Variants in USP21 observed in about 807,000 individuals in gnomAD.
USP21 encodes ubiquitin specific peptidase 21.
In USP21, 37 loss-of-function variants were observed where a neutral mutation model predicts 70.8. The observed-to-expected ratio is 0.52, with a 90% CI of 0.40 to 0.69. USP21 has a LOEUF of 0.69. Among genes scored for constraint, USP21 ranks in the 30% least tolerant of loss-of-function variants. The pLI, the probability that USP21 is intolerant of heterozygous loss-of-function variation, is 0.00. For missense variants in USP21, 584 were observed against 740.8 expected (o/e 0.79, Z 2.46); for synonymous variants, 263 against 283.1 (o/e 0.93, Z 0.71).
chr1:161,163,073 A>G lies in USP21; in HGVS notation c.1048A>G (p.Ser350Gly). The change falls in exon 7 of 14, where the codon AGT becomes GGT. Residue 350 changes from serine to glycine, a missense_variant and splice_region_variant. Ser to Gly is a moderately conservative substitution (Grantham distance 56, BLOSUM62 0). Coordinates refer to ENST00000368002, the MANE Select transcript of USP21 (RefSeq NM_001014443.3). ...GGALLEEPEL[S>G]DDDRANLMWK... Reference sequence around the variant, plus strand: ...GGCTCTGCTAGAAGAACCTGAGTTAAGGTAAGGGTCGTTCCCTCTACCTCC... The same window carrying G: ...GGCTCTGCTAGAAGAACCTGAGTTAGGGTAAGGGTCGTTCCCTCTACCTCC... The G allele has an allele frequency of 6.3e-7, 1 of 1,595,910 alleles. No homozygotes were observed. The highest frequency in any genetic ancestry group is 8.5e-7 in the Non-Finnish European group (1 of 1,172,390).
chr1:161,161,727 G>A lies in USP21; in HGVS notation c.601-311G>A, dbSNP rs937935510. ...TTGGGGGCAGAAAGGTGGGAGTGGT[G>A]AGCAGCTGGGCAACCATGCCGGTGC... On this transcript the variant is annotated intron_variant, in intron 3 of 13. Transcript: ENST00000368002. The surrounding 1 kb of genome is among the most constrained non-coding windows in gnomAD (Gnocchi z 4.2). 8.2e-6 allele frequency: 4 copies of A among 485,324 alleles called. No homozygotes were observed. The highest frequency in any genetic ancestry group is 2.6e-5 in the South Asian group (1 of 37,954). 30.1% of individuals were successfully genotyped at this position (485,324 alleles called of 1,614,324 possible).
chr1:161,164,309 G>A lies in USP21; in HGVS notation c.1305+59G>A, dbSNP rs1658273469. The stretch of plus-strand genomic sequence containing the variant: ...TGGGAGACCTGGGGGGACTCCATGT[G>A]GATAAAAGGGATTGCATGATGTCTT... On this transcript the variant is annotated intron_variant, in intron 10 of 13. Transcript: ENST00000368002. This position sits in a 1 kb window ranked among gnomAD's most constrained non-coding sequence, Gnocchi z 4.2. 1.3e-6 allele frequency: 2 copies of A among 1,502,348 alleles called. No homozygotes were observed. Among genetic ancestry groups the A allele is most frequent in the South Asian group, 2.3e-5 (2 of 88,474 alleles). The allele number at this position is 1,502,348 out of a possible 1,614,324, so 93.1% of individuals were successfully genotyped here. A position where few individuals can be genotyped will look rare whatever the true frequency, so the allele number is the denominator to read the frequency against.
At position 161,161,122 on chromosome 1, in the gene USP21, G is replaced by T. The variant is rs1352734116; in HGVS notation, c.482G>T (p.Gly161Val). The T allele has an allele frequency of 1.9e-6, 3 of 1,614,178 alleles. No homozygotes were observed. The highest frequency in any genetic ancestry group is 8.5e-7 in the Non-Finnish European group (1 of 1,180,006). Reference sequence around the variant, plus strand: ...CGTAGCACTTCTCTCCGCCGCCTAGGGGGCTTTCCTGGACCCCCTACCCTG... The same window carrying T: ...CGTAGCACTTCTCTCCGCCGCCTAGTGGGCTTTCCTGGACCCCCTACCCTG... ...LRRSTSLRRL[G>V]GFPGPPTLFS... The change falls in exon 3 of 14, where the codon GGG (glycine) becomes GTG (valine). Residue 161 changes from glycine (G) to valine (V), a missense_variant. Gly to Val is a moderately radical substitution (Grantham distance 109). Coordinates refer to ENST00000368002, the MANE Select transcript of USP21 (RefSeq NM_001014443.3). The surrounding 1 kb of genome is among the most constrained non-coding windows in gnomAD (Gnocchi z 4.2).
chr1:161,161,197 T>G lies in USP21; in HGVS notation c.557T>G (p.Ile186Arg). The change falls in exon 3 of 14, where the codon ATA (isoleucine) becomes AGA (arginine). Residue 186 changes from isoleucine to arginine, a missense_variant. Coordinates refer to ENST00000368002, the MANE Select transcript of USP21 (RefSeq NM_001014443.3). The surrounding 1 kb of genome is among the most constrained non-coding windows in gnomAD (Gnocchi z 4.2). The part of the protein sequence containing the change: ...PPASHGSFHM[I>R]SARSSEPFYS... ...GCTTCCCATGGCTCCTTCCACATGA[T>G]ATCCGCCCGGTCCTCTGAGCCTTTC... The G allele has an allele frequency of 6.2e-7, 1 of 1,612,342 alleles. No individual in the cohort carries two copies.
rs772175471 is a variant in USP21 at position 161,163,022 on chromosome 1, G to T, written c.997G>T (p.Val333Phe). The T allele has an allele frequency of 6.2e-7, 1 of 1,613,842 alleles. No individual in the cohort carries two copies. Among genetic ancestry groups the T allele is most frequent in the South Asian group, 1.1e-5 (1 of 91,064 alleles). ...RAPPILANGP[V>F]PSPPRRGGAL... ...TCCACCGATACTTGCCAATGGTCCA[G>T]TTCCCTCTCCACCCCGCCGAGGAGG... Residue 333 changes from valine to phenylalanine, a missense_variant, in exon 7 of 14, where the codon GTT becomes TTT. Val to Phe is a conservative substitution (Grantham distance 50). This residue lies in a region of USP21 where 40 missense variants were observed against 29.3 expected (regional missense o/e 1.37). Transcript: ENST00000368002.
rs767635139 is a variant in USP21 at position 161,162,976 on chromosome 1, C to T, written c.951C>T (p.Ile317=). 6.8e-6 allele frequency: 11 copies of T among 1,613,786 alleles called. No individual in the cohort carries two copies. The part of the protein sequence containing the change: ...KLLMERLHLE[I]NRRGRRAPPI... The stretch of plus-strand genomic sequence containing the variant: ...TCATGGAGCGGCTACACCTTGAAAT[C>T]AACCGCCGAGGCCGCCGGGCTCCAC... The change falls in exon 7 of 14, where the codon ATC becomes ATT. Residue 317 remains isoleucine, a synonymous_variant. Coordinates refer to ENST00000368002, the MANE Select transcript of USP21 (RefSeq NM_001014443.3). This position sits in a 1 kb window ranked among gnomAD's most constrained non-coding sequence, Gnocchi z 4.1.
chr1:161,165,095 C>T lies in USP21; in HGVS notation c.1559C>T (p.Thr520Ile), dbSNP rs745529060. Residue 520 changes from threonine to isoleucine, a missense_variant, in exon 13 of 14, where the codon ACA becomes ATA. This residue lies in a region of USP21 where 173 missense variants were observed against 268.2 expected (regional missense o/e 0.65). Coordinates refer to ENST00000368002, the MANE Select transcript of USP21 (RefSeq NM_001014443.3). The part of the protein sequence containing the change: ...HSGSVHYGHY[T>I]ALCRCQTGWH... ...GGCAGCGTCCACTATGGCCACTACACAGCCCTGTGCCGGTGCCAGACTGGT... is the reference window on the plus strand; with the variant it reads ...GGCAGCGTCCACTATGGCCACTACATAGCCCTGTGCCGGTGCCAGACTGGT... The T allele has an allele frequency of 6.2e-7, 1 of 1,614,096 alleles. No individual in the cohort carries two copies. The highest frequency in any genetic ancestry group is 8.5e-7 in the Non-Finnish European group (1 of 1,180,024).
rs1658620499 is a variant in USP21, at chr1:161,165,495, C to T, written c.*48C>T. On this transcript the variant is annotated 3_prime_UTR_variant, in exon 14 of 14. Transcript: ENST00000368002. ...TGAAGCCCTTTAAACACCCTTAAGC[C>T]CCAGGCTCCCCGTTTACCTCAGAGA... 7.0e-7 allele frequency: 1 copy of T among 1,420,298 alleles called. No individual in the cohort carries two copies. The allele number at this position is 1,420,298 out of a possible 1,614,324, so 88.0% of individuals were successfully genotyped here.
chr1:161,161,389 AC>A lies in USP21; in HGVS notation c.600+152del. 9.6e-7 allele frequency: 1 copy of A among 1,042,446 alleles called. No homozygotes were observed. The highest frequency in any genetic ancestry group is 1.6e-5 in the African/African-American group (1 of 62,446). 64.6% of individuals were successfully genotyped at this position (1,042,446 alleles called of 1,614,324 possible). A position where few individuals can be genotyped will look rare whatever the true frequency, so the allele number is the denominator to read the frequency against. ...GGACATGCCTCTCCCTTGCTTAAAT[AC>A]CCTTGAGCCTCCTAGACCCTTTTTT... is the stretch of plus-strand genomic sequence containing the variant. On this transcript the variant is annotated intron_variant, in intron 3 of 13. Coordinates refer to ENST00000368002, the MANE Select transcript of USP21 (RefSeq NM_001014443.3). This position sits in a 1 kb window ranked among gnomAD's most constrained non-coding sequence, Gnocchi z 4.2.
rs750682009 is a variant in USP21, at chr1:161,162,366, G to T, written c.757G>T (p.Gly253Cys). The change falls in exon 5 of 14, where the codon GGC (glycine) becomes TGC (cysteine). Residue 253 changes from glycine (G) to cysteine (C), a missense_variant. Gly to Cys is a radical substitution (Grantham distance 159, BLOSUM62 -3). Around this residue, in one of 4 missense-constraint regions of USP21, gnomAD observed 87 missense variants for 162.4 expected, o/e 0.54. Transcript: ENST00000368002. The surrounding 1 kb of genome is among the most constrained non-coding windows in gnomAD (Gnocchi z 4.1). ...CTTCCGGCAAGAGGTGCCTGGAGGA[G>T]GCCGAGCCCAAGAGCTCACTGAAGG... ...RDFRQEVPGG[G>C]RAQELTEAFA... 6.2e-7 allele frequency: 1 copy of T among 1,612,602 alleles called. No homozygotes were observed. The highest frequency in any genetic ancestry group is 8.5e-7 in the Non-Finnish European group (1 of 1,179,256).
At position 161,162,303 on chromosome 1, in the gene USP21, A is replaced by G. The variant is rs1168804171; in HGVS notation, c.694A>G (p.Ser232Gly). The part of the protein sequence containing the change: ...FLNAVLQCLS[S>G]TRPLRDFCLR... ...GAATGCTGTGCTGCAGTGTCTGAGC[A>G]GCACTCGACCTCTTCGGGACTTCTG... is the stretch of plus-strand genomic sequence containing the variant. The change falls in exon 5 of 14, where the codon AGC (serine) becomes GGC (glycine). Residue 232 changes from serine (S) to glycine (G), a missense_variant. By Grantham distance (56) the Ser-to-Gly change is moderately conservative (BLOSUM62 0). This residue lies in a region of USP21 where 87 missense variants were observed against 162.4 expected (regional missense o/e 0.54). Transcript: ENST00000368002. This position sits in a 1 kb window ranked among gnomAD's most constrained non-coding sequence, Gnocchi z 4.1. 1 of 1,613,108 alleles carries G rather than the reference A, an allele frequency of 6.2e-7. No individual in the cohort carries two copies. The highest frequency in any genetic ancestry group is 8.5e-7 in the Non-Finnish European group (1 of 1,179,506).
At position 161,164,926 on chromosome 1, in the gene USP21, T is replaced by G; in HGVS notation, c.1476T>G (p.Phe492Leu). Reference sequence around the variant, plus strand: ...TGCAGCGACTGAGCCTAGGGGACTTTGCCAGTGACAAAGCCGGTGAGTCTG... The same window carrying G: ...TGCAGCGACTGAGCCTAGGGGACTTGGCCAGTGACAAAGCCGGTGAGTCTG... ...FPLQRLSLGD[F>L]ASDKAGSPVY... Residue 492 changes from phenylalanine (F) to leucine (L), a missense_variant, in exon 12 of 14, where the codon TTT becomes TTG. This residue lies in a region of USP21 where 173 missense variants were observed against 268.2 expected (regional missense o/e 0.65). Transcript: ENST00000368002. This position sits in a 1 kb window ranked among gnomAD's most constrained non-coding sequence, Gnocchi z 4.2. The G allele has an allele frequency of 6.2e-7, 1 of 1,613,980 alleles. No homozygotes were observed. Among genetic ancestry groups the G allele is most frequent in the Non-Finnish European group, 8.5e-7 (1 of 1,179,882 alleles).
Position 161,160,701 on chromosome 1 carries a change from C to A in USP21, c.61C>A (p.Pro21Thr). The change falls in exon 3 of 14, where the codon CCC becomes ACC. Residue 21 changes from proline to threonine, a missense_variant. This residue lies in a region of USP21 where 284 missense variants were observed against 281.0 expected (regional missense o/e 1.01). Coordinates refer to ENST00000368002, the MANE Select transcript of USP21 (RefSeq NM_001014443.3). ...CCGAGAGCCACCTGTTAATATCCAGCCCCGAGTGGGATCCAAGCTACCATT... is the reference window on the plus strand; with the variant it reads ...CCGAGAGCCACCTGTTAATATCCAGACCCGAGTGGGATCCAAGCTACCATT... ...RTREPPVNIQ[P>T]RVGSKLPFAP... 1 of 1,614,186 alleles carries A rather than the reference C, an allele frequency of 6.2e-7. No homozygotes were observed.
At position 161,161,315 on chromosome 1, in the gene USP21, TC is replaced by T; in HGVS notation, c.600+80del. The stretch of plus-strand genomic sequence containing the variant: ...TTCCTGCCATCCTCTGCCTTTTCTG[TC>T]CCCCATTTCCCTGAAGTTCCTTTCT... On this transcript the variant is annotated intron_variant, in intron 3 of 13. Coordinates refer to ENST00000368002, the MANE Select transcript of USP21 (RefSeq NM_001014443.3). This position sits in a 1 kb window ranked among gnomAD's most constrained non-coding sequence, Gnocchi z 4.2. 6.7e-7 allele frequency: 1 copy of T among 1,489,290 alleles called. No individual in the cohort carries two copies. Among genetic ancestry groups the T allele is most frequent in the African/African-American group, 1.4e-5 (1 of 71,596 alleles). 92.3% of individuals were successfully genotyped at this position (1,489,290 alleles called of 1,614,324 possible).
Position 161,162,985 on chromosome 1 carries a change from A to T in USP21, c.960A>T (p.Arg320=). 1 of 1,613,492 alleles carries T rather than the reference A, an allele frequency of 6.2e-7. No individual in the cohort carries two copies. The highest frequency in any genetic ancestry group is 8.5e-7 in the Non-Finnish European group (1 of 1,179,508). Residue 320 remains arginine (R), a synonymous_variant, in exon 7 of 14, where the codon CGA becomes CGT. Transcript: ENST00000368002. This position sits in a 1 kb window ranked among gnomAD's most constrained non-coding sequence, Gnocchi z 4.1. ...MERLHLEINR[R]GRRAPPILAN... ...GGCTACACCTTGAAATCAACCGCCG[A>T]GGCCGCCGGGCTCCACCGATACTTG...
At position 161,164,907 on chromosome 1, in the gene USP21, G is replaced by A. The variant is rs1192907648; in HGVS notation, c.1457G>A (p.Arg486Gln). The A allele has an allele frequency of 2.5e-6, 4 of 1,613,994 alleles. No homozygotes were observed. The highest frequency in any genetic ancestry group is 2.2e-5 in the East Asian group (1 of 44,894). The change falls in exon 12 of 14, where the codon CGA becomes CAA. Residue 486 changes from arginine (R) to glutamine (Q), a missense_variant. By Grantham distance (43) the Arg-to-Gln change is conservative (BLOSUM62 1). Transcript: ENST00000368002. This position sits in a 1 kb window ranked among gnomAD's most constrained non-coding sequence, Gnocchi z 4.2. ...GTAGGTGTAGACTTTCCACTGCAGCGACTGAGCCTAGGGGACTTTGCCAGT... is the reference window on the plus strand; with the variant it reads ...GTAGGTGTAGACTTTCCACTGCAGCAACTGAGCCTAGGGGACTTTGCCAGT... ...SSVGVDFPLQ[R>Q]LSLGDFASDK...
In USP21 at chr1:161,160,550, G is replaced by A. The variant is rs1015283206; in HGVS notation, c.-22+44G>A. On this transcript the variant is annotated intron_variant, in intron 2 of 13. Coordinates refer to ENST00000368002, the MANE Select transcript of USP21 (RefSeq NM_001014443.3). ...CAATAAGGGAAAATTAGTGTGGCAG[G>A]GTTCAGTACAGCAGCCTGGGTTCCC... The A allele has an allele frequency of 6.3e-6, 9 of 1,430,816 alleles. No homozygotes were observed. In the African/African-American group the frequency reaches 1.1e-4, roughly 18 times the overall value. 88.6% of individuals were successfully genotyped at this position (1,430,816 alleles called of 1,614,324 possible).
In USP21 at chr1:161,161,453, G is replaced by A. The variant is rs1193793226; in HGVS notation, c.600+213G>A. On this transcript the variant is annotated intron_variant, in intron 3 of 13. Coordinates refer to ENST00000368002, the MANE Select transcript of USP21 (RefSeq NM_001014443.3). This position sits in a 1 kb window ranked among gnomAD's most constrained non-coding sequence, Gnocchi z 4.2. ...ACTCTTCAGCATGGTGTGCCATTTC[G>A]GTCCCCAGGGGATTACCCCAACTAT... is the stretch of plus-strand genomic sequence containing the variant. 1.2e-5 allele frequency: 7 copies of A among 566,656 alleles called. No individual in the cohort carries two copies. Among genetic ancestry groups the A allele is most frequent in the Non-Finnish European group, 3.0e-6 (1 of 329,702 alleles). The allele number at this position is 566,656 out of a possible 1,614,324, so 35.1% of individuals were successfully genotyped here. A position where few individuals can be genotyped will look rare whatever the true frequency, so the allele number is the denominator to read the frequency against.
rs1376418783 is a variant in USP21 at position 161,160,632 on chromosome 1, G to A, written c.-9G>A. Reference sequence around the variant, plus strand: ...CTTCTCCTCCCAGGTCCAGCCTGTGGTGTCCACAATGCCCCAGGCCTCTGA... The same window carrying A: ...CTTCTCCTCCCAGGTCCAGCCTGTGATGTCCACAATGCCCCAGGCCTCTGA... On this transcript the variant is annotated 5_prime_UTR_variant, in exon 3 of 14. It adds an upstream start codon to the 5' untranslated region. Transcript: ENST00000368002. 6.2e-7 allele frequency: 1 copy of A among 1,608,944 alleles called. No individual in the cohort carries two copies. The highest frequency in any genetic ancestry group is 8.5e-7 in the Non-Finnish European group (1 of 1,176,152).
Sources: allele counts gnomAD v4.1 joint callset, GRCh38; gene constraint gnomAD v4.1.1; regional missense constraint gnomAD v4.1.1; non-coding constraint Gnocchi (gnomAD v3.1); transcripts MANE v1.5; gene names NCBI Gene and HGNC (gene_info 2026-07-23, HGNC 2026-07-21).